The following GLIS3 variants were observed in gnomAD, a reference collection of about 807,000 sequenced individuals.
The protein encoded by GLIS3 is zinc finger protein GLIS3.
Under a neutral mutation model 78.6 loss-of-function variants are expected in GLIS3, and 53 were observed. The ratio of observed to expected loss-of-function variants is 0.67; its 90% confidence interval spans 0.54 to 0.85. The LOEUF (loss-of-function observed/expected upper bound fraction) is 0.85. Ranked by LOEUF, GLIS3 falls within the 40% of genes least tolerant of loss-of-function variation. The probability of loss-of-function intolerance (pLI) is 0.00; values close to 1 mark genes in which losing one functional copy is unlikely to be tolerated. For missense variants in GLIS3, 1,703 were observed against 1,231.1 expected (o/e 1.38, Z -5.74); for synonymous variants, 684 against 509.9 (o/e 1.34, Z -4.60).
chr9:4,401,165 G>C, the GLIS3 span, among the ~76,000 whole-genome samples: 1 of 152,160 alleles, frequency 6.6e-6, no homozygotes, highest in Non-Finnish European at 1.5e-5. Flanking sequence ...ATCTGTCCTG[G>C]GGCAGTGGAG....
In GLIS3 at chr9:4,117,933, C is replaced by G. The variant is rs72687988; in HGVS notation, c.1545G>C (p.Glu515Asp). Residue 515 changes from glutamate (E) to aspartate (D), a missense_variant, in exon 4 of 11, where the codon GAG becomes GAC. Glu to Asp is a conservative substitution (Grantham distance 45). Coordinates refer to ENST00000381971, the MANE Select transcript of GLIS3 (RefSeq NM_001042413.2). ...CCTTCTCGATGTGCCGCACGAGCTC[C>G]TCCTGCTGGTCGTACAGGGCGCTGC... ...IDCSALYDQQ[E>D]ELVRHIEKVH... The G allele has an allele frequency of 4.0e-3, 6,407 of 1,614,172 alleles. 14 individuals are homozygous for G. The highest frequency in any genetic ancestry group is 4.7e-3 in the Non-Finnish European group (5,530 of 1,180,038).
At chr9:3,854,760 G>A (rs1296357126) in intron 9 of GLIS3, among the ~76,000 whole-genome samples, 2 of 151,418 alleles carry the variant, frequency 1.3e-5, no homozygotes, top group African/African-American at 4.9e-5. Context: ...TAGCCAGGAT[G>A]GTCTCGACCT....
chr9:4,449,044 C>T, the GLIS3 span, among the ~76,000 whole-genome samples: 3 of 152,140 alleles, frequency 2.0e-5, no homozygotes, highest in African/African-American at 7.2e-5. Context: ...CACAAGGGGT[C>T]AGGGGATTTC....
chr9:4,123,587 G>A (rs753520399), intron 3 of GLIS3: 2 of 352,644 alleles, frequency 5.7e-6, no homozygotes, highest in Non-Finnish European at 5.0e-6. Context: ...TGGAATCCTG[G>A]ACAGGAAGAA....
chr9:4,055,927 A>T (rs1372955575), intron 4 of GLIS3, among the ~76,000 whole-genome samples: 1 of 152,176 alleles, frequency 6.6e-6, no homozygotes, highest in African/African-American at 2.4e-5. Flanking sequence ...GAAGGAAGGA[A>T]GTCTATATTC....
Position 4,286,395 on chromosome 9 carries a change from G to C in GLIS3, c.31C>G (p.His11Asp). Residue 11 changes from histidine (H) to aspartate (D), a missense_variant, in exon 2 of 11, where the codon CAC becomes GAC. Coordinates refer to ENST00000381971, the MANE Select transcript of GLIS3 (RefSeq NM_001042413.2). MNGRSCSMSL[H>D]RTSGTPQGPR... is the part of the protein sequence containing the mutation. ...CCCTGTGGGGTTCCCGATGTCCGGT[G>C]GAGACTCATGCTGCATGATCTTCCA... 1.2e-6 allele frequency: 2 copies of C among 1,614,142 alleles called. No homozygotes were observed. The highest frequency in any genetic ancestry group is 1.7e-6 in the Non-Finnish European group (2 of 1,180,032).
the GLIS3 span, among the ~76,000 whole-genome samples, chr9:4,381,291 G>C: frequency 7.9e-5 from 12 of 152,250 alleles, no homozygotes; most frequent in African/African-American, 2.9e-4. Flanking sequence ...ACTTTGAAAA[G>C]TATAAAGAAT....
At chr9:3,967,800 A>G (rs115428030) in intron 4 of GLIS3, among the ~76,000 whole-genome samples, 3,046 of 152,312 alleles carry the variant, frequency 0.02, 45 homozygotes, top group Middle Eastern at 0.027. Context: ...ATATGTGTAT[A>G]TATTTGTATG....
At chr9:3,846,965 C>G (rs930452383) in intron 9 of GLIS3, among the ~76,000 whole-genome samples, 1 of 152,082 alleles carries the variant, frequency 6.6e-6, no homozygotes, top group African/African-American at 2.4e-5. Flanking sequence ...AGGGGGGTCA[C>G]CTGAAGTCAG....
At position 4,100,087 on chromosome 9, in the gene GLIS3, T is replaced by C. The variant is rs538241377; in HGVS notation, c.1710+17681A>G. Among the ~76,000 whole-genome samples, 31 of 152,342 alleles carry C rather than the reference T, an allele frequency of 2.0e-4. 1 individual carries two copies. In the South Asian group the frequency reaches 5.6e-3, roughly 27 times the overall value. ...CAGAAGAATGTTTTGAAACGTAAAA[T>C]TGTGTAACAATAAAAGGTCATGGTA... On this transcript the variant is annotated intron_variant, in intron 4 of 10. Transcript: ENST00000381971.
At chr9:4,254,839 CAA>C (rs751442404) in intron 2 of GLIS3, among the ~76,000 whole-genome samples, 7 of 70,018 alleles carry the variant, frequency 1.0e-4, no homozygotes, top group Admixed American at 1.6e-4. Flanking sequence ...GACTACGTCT[CAA>C]AAAAAAAAAA....
chr9:4,102,484 CAT>C (rs1830443617), intron 4 of GLIS3, among the ~76,000 whole-genome samples: 2 of 152,160 alleles, frequency 1.3e-5, no homozygotes, highest in African/African-American at 4.8e-5. Context: ...CCACAGGAGA[CAT>C]ACAGCAATGC....
At chr9:4,215,723 A>G (rs1358973611) in intron 2 of GLIS3, among the ~76,000 whole-genome samples, 1 of 152,180 alleles carries the variant, frequency 6.6e-6, no homozygotes, top group Admixed American at 6.5e-5. Context: ...ACACGTCCAT[A>G]TAATTTAACC....
At chr9:4,470,434 G>A in the GLIS3 span, among the ~76,000 whole-genome samples, 2 of 152,224 alleles carry the variant, frequency 1.3e-5, no homozygotes, top group Non-Finnish European at 2.9e-5. Flanking sequence ...TCCCTAGGAT[G>A]CAAGGCTAGT....
chr9:3,840,094 AG>A (rs765859885), intron 9 of GLIS3, among the ~76,000 whole-genome samples: 20 of 152,280 alleles, frequency 1.3e-4, no homozygotes, highest in Non-Finnish European at 2.2e-4. Flanking sequence ...GAAATTTTAT[AG>A]GGTTGTGGAA....
intron 2 of GLIS3, among the ~76,000 whole-genome samples, chr9:4,175,325 G>A (rs1387817433): frequency 1.3e-5 from 2 of 152,224 alleles, no homozygotes; most frequent in East Asian, 1.9e-4. Flanking sequence ...AAGGGAGACT[G>A]AGAGCTTTAG....
At chr9:4,382,246 T>C in the GLIS3 span, among the ~76,000 whole-genome samples, 3 of 152,208 alleles carry the variant, frequency 2.0e-5, no homozygotes, top group African/African-American at 7.2e-5. Context: ...ATTATTACTC[T>C]AGGTATTGAA....
At chr9:4,373,177 C>T in the GLIS3 span, among the ~76,000 whole-genome samples, 1 of 152,150 alleles carries the variant, frequency 6.6e-6, no homozygotes, top group African/African-American at 2.4e-5. Flanking sequence ...TTATATAAAA[C>T]TGAACTTTCC....
chr9:4,196,420 C>A (rs1365140918), intron 2 of GLIS3, among the ~76,000 whole-genome samples: 2 of 152,220 alleles, frequency 1.3e-5, no homozygotes, highest in Non-Finnish European at 2.9e-5. Context: ...ACTGTGGAAG[C>A]TTTGTTCTTT....
Sources: gnomAD v4.1 joint callset for allele counts (sites outside exome capture counted in the v4.1 genomes callset) on GRCh38, gnomAD v4.1.1 for gene constraint, MANE v1.5 for transcripts, NCBI Gene and HGNC (gene_info 2026-07-23, HGNC 2026-07-21) for gene names.